Variants in CPNE5 observed in about 807,000 individuals in gnomAD.
The protein encoded by CPNE5 is copine-5.
Under a neutral mutation model 81.1 loss-of-function variants are expected in CPNE5, and 42 were observed. The ratio of observed to expected loss-of-function variants is 0.52; its 90% CI spans 0.40 to 0.67. The LOEUF is 0.67. Among genes scored for constraint, CPNE5 ranks in the 30% least tolerant of loss-of-function variants. The pLI, the probability that CPNE5 is intolerant of heterozygous loss-of-function variation, is 0.00. For missense variants in CPNE5, 612 were observed against 815.5 expected (o/e 0.75, Z 3.04); for synonymous variants, 313 against 321.5 (o/e 0.97, Z 0.28).
chr6:36,837,336 CTG>C (rs1356733810), intron 1 of CPNE5, among the ~76,000 whole-genome samples: 1 of 152,230 alleles, frequency 6.6e-6, no homozygotes, highest in Non-Finnish European at 1.5e-5. Context: ...GTGGGGGAAA[CTG>C]AGGCTTAAAA....
intron 6 of CPNE5, among the ~76,000 whole-genome samples, chr6:36,796,598 G>T (rs549139230): frequency 6.6e-6 from 1 of 152,320 alleles, no homozygotes; most frequent in Admixed American, 6.5e-5. Context: ...CCTAGAGAAA[G>T]AATATAAAAT....
At chr6:36,744,137 C>G (rs1382978693) in intron 19 of CPNE5, 131 bp downstream of exon 19, 16 of 785,142 alleles carry the variant, frequency 2.0e-5, no homozygotes, top group Non-Finnish European at 3.1e-5. Context: ...CACACACGCC[C>G]AGGCGGGAGC....
intron 12 of CPNE5, among the ~76,000 whole-genome samples, chr6:36,759,886 C>T (rs1765852444): frequency 6.6e-6 from 1 of 152,014 alleles, no homozygotes; most frequent in South Asian, 2.1e-4. Context: ...TCCTAGGGGC[C>T]TCCAAAGGCA....
intron 9 of CPNE5, among the ~76,000 whole-genome samples, chr6:36,777,958 T>C (rs560079985): frequency 1.3e-5 from 2 of 152,014 alleles, no homozygotes; most frequent in Non-Finnish European, 2.9e-5. Flanking sequence ...TAAAACCCGC[T>C]TCCAATTTTC....
At chr6:36,789,737 G>A (rs758705375) in intron 8 of CPNE5, among the ~76,000 whole-genome samples, 2 of 152,134 alleles carry the variant, frequency 1.3e-5, no homozygotes, top group African/African-American at 2.4e-5. Context: ...TCCATGACCT[G>A]GTGCTGAACA....
chr6:36,743,326 T>C (rs1388558881), intron 20 of CPNE5: 1 of 754,630 alleles, frequency 1.3e-6, no homozygotes, highest in African/African-American at 1.9e-5. Context: ...TGCCTATTCT[T>C]GGAGAAGGCT....
chr6:36,772,928 C>T (rs1582826811), intron 10 of CPNE5, among the ~76,000 whole-genome samples: 1 of 152,158 alleles, frequency 6.6e-6, no homozygotes, highest in East Asian at 1.9e-4. Context: ...CAGCCTTGAA[C>T]TCCTGGGCTC....
intron 1 of CPNE5, among the ~76,000 whole-genome samples, chr6:36,838,971 T>A (rs1310394690): frequency 6.6e-6 from 1 of 152,166 alleles, no homozygotes; most frequent in Non-Finnish European, 1.5e-5. Context: ...GAGACCGTAG[T>A]ACAGCCTTTT....
At chr6:36,770,380 T>C (rs753172777) in intron 10 of CPNE5, among the ~76,000 whole-genome samples, 4 of 152,226 alleles carry the variant, frequency 2.6e-5, no homozygotes, top group Middle Eastern at 3.2e-3. Context: ...TTGTAAAATT[T>C]AAATTCACAA....
chr6:36,784,163 A>G (rs1026546932), intron 8 of CPNE5, among the ~76,000 whole-genome samples: 2 of 152,250 alleles, frequency 1.3e-5, no homozygotes, highest in African/African-American at 4.8e-5. Context: ...TAAGTGAGGC[A>G]TTGCTGGGGG....
intron 11 of CPNE5, 128 bp downstream of exon 11, chr6:36,765,207 C>T: frequency 1.3e-6 from 1 of 796,400 alleles, no homozygotes; most frequent in Non-Finnish European, 2.0e-6. Context: ...CACACGCAAA[C>T]CCAGGCTCCC....
chr6:36,785,210 A>G (rs1023172189), intron 8 of CPNE5, among the ~76,000 whole-genome samples: 1 of 152,068 alleles, frequency 6.6e-6, no homozygotes, highest in East Asian at 1.9e-4. Context: ...CTGGCATCTT[A>G]GACCTCCCTC....
intron 3 of CPNE5, among the ~76,000 whole-genome samples, chr6:36,820,853 C>T (rs577200021): frequency 7.9e-5 from 12 of 151,848 alleles, no homozygotes; most frequent in South Asian, 4.2e-4. Flanking sequence ...AAGCTGAGGC[C>T]GGAGGATCGT....
At chr6:36,747,042 C>A (rs570705403) in intron 15 of CPNE5, among the ~76,000 whole-genome samples, 29 of 152,278 alleles carry the variant, frequency 1.9e-4, no homozygotes, top group Non-Finnish European at 2.8e-4. Flanking sequence ...CCCAGCCTCA[C>A]CAGCCCCTCG....
intron 1 of CPNE5, chr6:36,838,685 T>G (rs577003378): frequency 1.0e-5 from 8 of 798,112 alleles, no homozygotes; most frequent in Non-Finnish European, 1.2e-5. Flanking sequence ...GTTGTTATCA[T>G]GTATCCACAC....
intron 12 of CPNE5, 150 bp downstream of exon 12, chr6:36,762,767 G>T: frequency 1.6e-6 from 1 of 641,914 alleles, no homozygotes; most frequent in Non-Finnish European, 2.7e-6. Context: ...ACTTCTCCAA[G>T]ACTTGGTCTC....
At chr6:36,748,317 T>C (rs1241038708) in intron 14 of CPNE5, 50 bp from the exon 15 acceptor site, 18 of 1,556,118 alleles carry the variant, frequency 1.2e-5, no homozygotes, top group Non-Finnish European at 1.6e-5. Flanking sequence ...GGCAGGGCTG[T>C]GGGAGGGGGG....
intron 12 of CPNE5, among the ~76,000 whole-genome samples, chr6:36,758,841 G>A (rs756659909): frequency 6.6e-6 from 1 of 152,208 alleles, no homozygotes; most frequent in Non-Finnish European, 1.5e-5. Context: ...GGGCCTGGGC[G>A]AGATGGTGAG....
chr6:36,799,076 C>A (rs1175864538), intron 4 of CPNE5, among the ~76,000 whole-genome samples: 2 of 152,148 alleles, frequency 1.3e-5, no homozygotes, highest in African/African-American at 4.8e-5. Flanking sequence ...CTGGGGCCTG[C>A]TCACCGGGGG....
Sources: allele counts gnomAD v4.1 joint callset (sites outside exome capture counted in the v4.1 genomes callset), GRCh38; gene constraint gnomAD v4.1.1; transcripts MANE v1.5; gene names NCBI Gene and HGNC (gene_info 2026-07-23, HGNC 2026-07-21).